EPHB1: variants seen among roughly 807,000 people sequenced by gnomAD.
EPHB1 encodes ephrin type-B receptor 1.
EPHB1 carries 30 observed loss-of-function variants against 94.4 expected under a neutral mutation model. The ratio of observed to expected loss-of-function variants is 0.32; its 90% confidence interval spans 0.24 to 0.43. The LOEUF is 0.43. EPHB1 is among the 20% of genes least tolerant of loss of function. The pLI is 1.00. For synonymous variants in EPHB1, 522 were observed against 489.1 expected, an observed-to-expected ratio of 1.07 and a Z score of -0.89; for missense variants, 1,055 against 1,308.3, an observed-to-expected ratio of 0.81 and a Z score of 2.99.
chr3:135,010,687 G>T (rs573987360), intron 3 of EPHB1, among the ~76,000 whole-genome samples: 1 of 149,320 alleles, frequency 6.7e-6, no homozygotes. Flanking sequence ...CCTCATCCTC[G>T]CAGGTAGCTG....
chr3:135,008,306 T>G (rs1935496118), intron 3 of EPHB1, among the ~76,000 whole-genome samples: 1 of 152,218 alleles, frequency 6.6e-6, no homozygotes. Flanking sequence ...TTCCCAAGCA[T>G]TCCTATAAGG....
At chr3:135,129,523 C>T (rs531157856) in intron 4 of EPHB1, among the ~76,000 whole-genome samples, 40 of 152,318 alleles carry the variant, frequency 2.6e-4, no homozygotes, top group Middle Eastern at 3.4e-3. Context: ...GGACCTTTTC[C>T]ATGCACACTG....
intron 12 of EPHB1, among the ~76,000 whole-genome samples, chr3:135,202,525 G>T (rs1262378375): frequency 6.6e-6 from 1 of 152,086 alleles, no homozygotes; most frequent in Non-Finnish European, 1.5e-5. Context: ...CTTCCTAACT[G>T]GTGTCCCTTT....
chr3:134,959,252 A>C (rs1045177696), intron 3 of EPHB1, among the ~76,000 whole-genome samples: 2 of 152,040 alleles, frequency 1.3e-5, no homozygotes, highest in Admixed American at 1.3e-4. Context: ...AAACTGCTGG[A>C]GTGAGTGGTA....
intron 4 of EPHB1, among the ~76,000 whole-genome samples, chr3:135,111,942 T>G (rs1939463600): frequency 6.6e-6 from 1 of 152,180 alleles, no homozygotes; most frequent in Non-Finnish European, 1.5e-5. Flanking sequence ...CCTCCCAAAG[T>G]GCTGGGATTA....
chr3:134,867,132 A>G (rs530235014), intron 1 of EPHB1, among the ~76,000 whole-genome samples: 2 of 152,160 alleles, frequency 1.3e-5, no homozygotes, highest in East Asian at 1.9e-4. Context: ...GCTTCTTTTT[A>G]TACTCTAGGT....
chr3:135,114,489 C>T (rs1939592722), intron 4 of EPHB1, among the ~76,000 whole-genome samples: 3 of 123,672 alleles, frequency 2.4e-5, no homozygotes, highest in Admixed American at 1.1e-4. Context: ...ATCATGAGGT[C>T]AGGAGTTCGA....
intron 1 of EPHB1, among the ~76,000 whole-genome samples, chr3:134,808,959 C>T (rs188304485): frequency 6.6e-6 from 1 of 152,202 alleles, no homozygotes; most frequent in African/African-American, 2.4e-5. Context: ...AATGTAGATA[C>T]CAGAGCATCT....
chr3:135,004,415 G>T lies in EPHB1; in HGVS notation c.805+52363G>T, dbSNP rs1359461639. Among the ~76,000 whole-genome samples, 13 of 151,914 alleles carry T rather than the reference G, an allele frequency of 8.6e-5. 1 individual carries two copies. Among genetic ancestry groups the T allele is most frequent in the South Asian group, 2.1e-4 (1 of 4,810 alleles). On this transcript the variant is annotated intron_variant, in intron 3 of 15. Coordinates refer to ENST00000398015, the MANE Select transcript of EPHB1 (RefSeq NM_004441.5). ...CATTTTTTCCTTCATTTCAACTTTG[G>T]TGAATCTGACACTTATGTGTCTTGG... is the stretch of plus-strand genomic sequence containing the variant.
At chr3:135,078,629 A>G (rs1228076527) in intron 3 of EPHB1, among the ~76,000 whole-genome samples, 1 of 152,250 alleles carries the variant, frequency 6.6e-6, no homozygotes, top group Non-Finnish European at 1.5e-5. Context: ...CATTGCCAGC[A>G]CAATCTGTGA....
intron 3 of EPHB1, among the ~76,000 whole-genome samples, chr3:134,985,615 C>T (rs181477731): frequency 1.3e-5 from 2 of 152,318 alleles, no homozygotes; most frequent in East Asian, 3.9e-4. Context: ...TCAGTTTCCT[C>T]TCTCTAAAAT....
chr3:134,932,438 C>T (rs1027553215), intron 2 of EPHB1, among the ~76,000 whole-genome samples: 6 of 152,112 alleles, frequency 3.9e-5, no homozygotes, highest in East Asian at 1.9e-4. Flanking sequence ...ATTCCAAAGC[C>T]GAACAAAATC....
At chr3:134,960,744 T>C (rs1933484264) in intron 3 of EPHB1, among the ~76,000 whole-genome samples, 1 of 152,206 alleles carries the variant, frequency 6.6e-6, no homozygotes, top group Admixed American at 6.5e-5. Flanking sequence ...AGGAAGCCTC[T>C]TGAAATCACT....
intron 3 of EPHB1, among the ~76,000 whole-genome samples, chr3:135,093,777 A>C (rs1938648576): frequency 6.6e-6 from 1 of 152,192 alleles, no homozygotes; most frequent in East Asian, 1.9e-4. Context: ...ACTGCATAAA[A>C]ATTGGAAAAT....
intron 11 of EPHB1, among the ~76,000 whole-genome samples, chr3:135,201,062 C>T (rs1346427113): frequency 2.0e-5 from 3 of 152,006 alleles, no homozygotes; most frequent in African/African-American, 7.3e-5. Context: ...TGGAGATTTT[C>T]CTTAATGCAA....
At chr3:135,081,981 A>G (rs1938181075) in intron 3 of EPHB1, among the ~76,000 whole-genome samples, 1 of 151,906 alleles carries the variant, frequency 6.6e-6, no homozygotes, top group South Asian at 2.1e-4. Flanking sequence ...GAACGGCAGC[A>G]GGAGTGGGGA....
At chr3:134,803,715 C>T (rs1578097718) in intron 1 of EPHB1, among the ~76,000 whole-genome samples, 1 of 152,236 alleles carries the variant, frequency 6.6e-6, no homozygotes, top group Non-Finnish European at 1.5e-5. Flanking sequence ...GAGAAGTTAA[C>T]TGGCTCAAGA....
chr3:135,178,224 A>T (rs201468118), intron 9 of EPHB1, among the ~76,000 whole-genome samples: 1 of 139,422 alleles, frequency 7.2e-6, no homozygotes, highest in African/African-American at 3.0e-5. Flanking sequence ...GAGGCCGGGG[A>T]GGGGGGGTGG....
At chr3:134,879,740 G>A (rs1454414182) in intron 1 of EPHB1, among the ~76,000 whole-genome samples, 2 of 152,108 alleles carry the variant, frequency 1.3e-5, no homozygotes, top group African/African-American at 4.8e-5. Context: ...CAAAGTTCTG[G>A]TAGAGATAAG....
Sources: allele counts gnomAD v4.1 joint callset (sites outside exome capture counted in the v4.1 genomes callset), GRCh38; gene constraint gnomAD v4.1.1; transcripts MANE v1.5; gene names NCBI Gene and HGNC (gene_info 2026-07-23, HGNC 2026-07-21).